HBS1L: variants seen among roughly 807,000 people sequenced by gnomAD.
HBS1L encodes HBS1-like protein.
A neutral mutation model predicts 88.9 loss-of-function variants in HBS1L; 55 were observed. The observed-to-expected ratio is 0.62, with a 90% CI of 0.50 to 0.77. The LOEUF is 0.77. HBS1L is among the 30% of genes least tolerant of loss of function. The pLI, the probability that HBS1L is intolerant of heterozygous loss-of-function variation, is 0.00. For synonymous variants in HBS1L, 267 were observed against 288.5 expected, an observed-to-expected ratio of 0.93 and a Z score of 0.76; for missense variants, 741 against 829.3, an observed-to-expected ratio of 0.89 and a Z score of 1.31.
chr6:135,024,565 G>A (rs1257259780), intron 4 of HBS1L, among the ~76,000 whole-genome samples: 1 of 146,590 alleles, frequency 6.8e-6, no homozygotes, highest in African/African-American at 2.5e-5. Context: ...TTTTTTTCTT[G>A]GTAGGTTTAA....
intron 5 of HBS1L, 79 bp from the exon 6 acceptor site, chr6:134,997,735 G>A (rs912148926): frequency 7.6e-7 from 1 of 1,318,098 alleles, no homozygotes; most frequent in Non-Finnish European, 1.1e-6. Context: ...CAGAGAAACT[G>A]TTTCTTCATA....
chr6:134,987,400 C>A (rs1368083076), intron 9 of HBS1L, among the ~76,000 whole-genome samples: 1 of 151,660 alleles, frequency 6.6e-6, no homozygotes, highest in African/African-American at 2.4e-5. Context: ...CTATAATAAA[C>A]ATGTATTATT....
chr6:134,968,743 G>C (rs1230432145), intron 16 of HBS1L, among the ~76,000 whole-genome samples: 1 of 140,430 alleles, frequency 7.1e-6, no homozygotes, highest in Non-Finnish European at 1.5e-5. Context: ...GCTCCAGGTG[G>C]ACTTTGAGCA....
At chr6:134,987,528 T>C in intron 9 of HBS1L, 117 bp downstream of exon 9, 6 of 674,300 alleles carry the variant, frequency 8.9e-6, no homozygotes, top group Non-Finnish European at 1.3e-5. Context: ...GAATTTATTT[T>C]TAAAAACATG....
intron 6 of HBS1L, 71 bp from the exon 7 acceptor site, chr6:134,997,013 G>T: frequency 9.0e-7 from 1 of 1,110,740 alleles, no homozygotes; most frequent in Non-Finnish European, 1.3e-6. Flanking sequence ...TTGCATAAAT[G>T]TGTAATTCAA....
chr6:135,027,123 CG>C (rs1776250073), intron 4 of HBS1L: 1 of 124,858 alleles, frequency 8.0e-6, no homozygotes, highest in African/African-American at 3.0e-5. Flanking sequence ...ACCCAGGAGG[CG>C]GAGGTTGCAG....
At chr6:135,042,521 C>G (rs183849065) in intron 2 of HBS1L, among the ~76,000 whole-genome samples, 8 of 152,198 alleles carry the variant, frequency 5.3e-5, no homozygotes, top group Admixed American at 4.6e-4. Context: ...TAAGAAAACA[C>G]AAGGTGGCCA....
intron 4 of HBS1L, among the ~76,000 whole-genome samples, chr6:135,017,541 C>T (rs1775955710): frequency 6.6e-6 from 1 of 151,846 alleles, no homozygotes; most frequent in African/African-American, 2.4e-5. Context: ...ATTAAAAATG[C>T]CTTTATAACT....
chr6:134,994,608 C>T (rs2114799726), intron 7 of HBS1L, among the ~76,000 whole-genome samples: 2 of 152,198 alleles, frequency 1.3e-5, no homozygotes, highest in Admixed American at 1.3e-4. Context: ...TCCTTTGTTT[C>T]ATATACACAT....
At chr6:135,040,146 T>A (rs1455807667) in intron 3 of HBS1L, among the ~76,000 whole-genome samples, 1 of 152,194 alleles carries the variant, frequency 6.6e-6, no homozygotes, top group Non-Finnish European at 1.5e-5. Context: ...TCTAATTTGT[T>A]AGTGAATCCA....
At chr6:135,022,924 A>G (rs1488487520) in intron 4 of HBS1L, among the ~76,000 whole-genome samples, 1 of 142,188 alleles carries the variant, frequency 7.0e-6, no homozygotes, top group Non-Finnish European at 1.5e-5. Context: ...CCTAAGCAGG[A>G]AAAAAAAAAA....
chr6:134,998,932 C>T (rs1775367817), intron 5 of HBS1L, among the ~76,000 whole-genome samples: 1 of 152,114 alleles, frequency 6.6e-6, no homozygotes, highest in Admixed American at 6.6e-5. Context: ...AGGAAATGTT[C>T]CCATACTTTT....
chr6:134,985,477 C>T (rs1257550803), intron 11 of HBS1L, 68 bp from the exon 12 acceptor site: 2 of 920,148 alleles, frequency 2.2e-6, no homozygotes, highest in Non-Finnish European at 3.4e-6. Flanking sequence ...CTTCAATAAA[C>T]TCATTATAAT....
chr6:135,029,532 G>C (rs1378291929), intron 4 of HBS1L, among the ~76,000 whole-genome samples: 1 of 152,028 alleles, frequency 6.6e-6, no homozygotes, highest in Non-Finnish European at 1.5e-5. Flanking sequence ...CAATTATCAG[G>C]TTGGTATAAT....
At chr6:134,983,198 G>GT (rs1774882234) in intron 12 of HBS1L, 1 of 152,128 alleles carries the variant, frequency 6.6e-6, no homozygotes, top group Non-Finnish European at 1.5e-5. Flanking sequence ...TGAAGAAAAG[G>GT]TAAGACAGGA....
intron 15 of HBS1L, among the ~76,000 whole-genome samples, chr6:134,976,501 A>C (rs1437771291): frequency 6.6e-6 from 1 of 152,204 alleles, no homozygotes; most frequent in Non-Finnish European, 1.5e-5. Flanking sequence ...ATGTGGAACC[A>C]ACCTAAGTGC....
chr6:134,975,844 G>A (rs922127077), intron 15 of HBS1L, among the ~76,000 whole-genome samples: 4 of 152,042 alleles, frequency 2.6e-5, no homozygotes, highest in African/African-American at 9.7e-5. Context: ...TCTGGACATT[G>A]GCCTAGGTAA....
At chr6:135,035,797 G>GCAA in intron 4 of HBS1L, 1 of 142,450 alleles carries the variant, frequency 7.0e-6, no homozygotes, top group East Asian at 2.6e-4. Context: ...AAAAGCAGCA[G>GCAA]CAGCAGCAGA....
At chr6:135,002,692 TG>T (rs932762710) in intron 5 of HBS1L, 41 bp downstream of exon 5, 2 of 792,848 alleles carry the variant, frequency 2.5e-6, no homozygotes. Flanking sequence ...TTCAAAAACT[TG>T]GGGGTGGGGG....
Sources: gnomAD v4.1 joint callset for allele counts (sites outside exome capture counted in the v4.1 genomes callset) on GRCh38, gnomAD v4.1.1 for gene constraint, MANE v1.5 for transcripts, NCBI Gene and HGNC (gene_info 2026-07-23, HGNC 2026-07-21) for gene names.